BICC1: variants seen among roughly 807,000 people sequenced by gnomAD.
BICC1 encodes BicC family RNA binding protein 1, also known as protein bicaudal C homolog 1.
A neutral mutation model predicts 111.0 loss-of-function variants in BICC1; 43 were observed. That is an observed-to-expected ratio of 0.39 (90% CI 0.30 to 0.50). BICC1 has a LOEUF of 0.50. Among genes scored for constraint, BICC1 ranks in the 20% least tolerant of loss-of-function variants. The pLI is 0.88. For missense variants in BICC1, 1,091 were observed against 1,203.2 expected (o/e 0.91, Z 1.38); for synonymous variants, 467 against 434.4 (o/e 1.07, Z -0.93).
intron 2 of BICC1, among the ~76,000 whole-genome samples, chr10:58,673,228 C>G (rs1217776917): frequency 6.6e-6 from 1 of 152,116 alleles, no homozygotes; most frequent in African/African-American, 2.4e-5. Flanking sequence ...TTTAAAATTA[C>G]TTTTGCAGAA....
At chr10:58,769,376 A>ATGTGTGTGTGTGTG (rs71006205) in intron 3 of BICC1, among the ~76,000 whole-genome samples, 15 of 73,350 alleles carry the variant, frequency 2.0e-4, no homozygotes, top group African/African-American at 5.9e-4. Flanking sequence ...TTTATAATGT[A>ATGTGTGTGTGTGTG]TGTGTGTGTG....
At chr10:58,696,940 C>T (rs1357288970) in intron 2 of BICC1, among the ~76,000 whole-genome samples, 5 of 152,210 alleles carry the variant, frequency 3.3e-5, no homozygotes, top group Non-Finnish European at 7.4e-5. Flanking sequence ...CCTGCTGAGA[C>T]GACATCATTT....
At chr10:58,660,062 C>A (rs533886280) in intron 2 of BICC1, among the ~76,000 whole-genome samples, 1 of 152,274 alleles carries the variant, frequency 6.6e-6, no homozygotes, top group South Asian at 2.1e-4. Flanking sequence ...TACCCCTTCT[C>A]CTAGCAAGAA....
At chr10:58,758,925 A>G (rs1842223081) in intron 3 of BICC1, among the ~76,000 whole-genome samples, 1 of 140,196 alleles carries the variant, frequency 7.1e-6, no homozygotes, top group African/African-American at 2.6e-5. Context: ...ATCTTTGATC[A>G]TTAAAATATT....
intron 1 of BICC1, among the ~76,000 whole-genome samples, chr10:58,561,666 T>C (rs1843608232): frequency 6.6e-6 from 1 of 152,070 alleles, no homozygotes; most frequent in Admixed American, 6.5e-5. Flanking sequence ...TTGGTGGTTT[T>C]CTGTAGTGAT....
At chr10:58,816,295 T>C (rs921275521) in intron 18 of BICC1, among the ~76,000 whole-genome samples, 1 of 152,048 alleles carries the variant, frequency 6.6e-6, no homozygotes, top group African/African-American at 2.4e-5. Context: ...CCTCAAACTG[T>C]TTTTATGACT....
intron 2 of BICC1, among the ~76,000 whole-genome samples, chr10:58,666,356 T>C (rs899723092): frequency 5.9e-5 from 9 of 152,096 alleles, no homozygotes; most frequent in African/African-American, 2.2e-4. Context: ...CTAAGTTAGG[T>C]TTTCAATTTT....
intron 10 of BICC1, among the ~76,000 whole-genome samples, chr10:58,796,988 C>T (rs912899747): frequency 6.6e-6 from 1 of 152,112 alleles, no homozygotes; most frequent in African/African-American, 2.4e-5. Context: ...TTAGGCCTGC[C>T]TTGCCTAGAT....
intron 1 of BICC1, among the ~76,000 whole-genome samples, chr10:58,531,033 C>G (rs1842669453): frequency 6.6e-6 from 1 of 151,828 alleles, no homozygotes; most frequent in South Asian, 2.1e-4. Context: ...GAGTCGGCCC[C>G]TTCCCCAAGC....
At chr10:58,812,402 G>A (rs1843936979) in intron 17 of BICC1, among the ~76,000 whole-genome samples, 1 of 152,036 alleles carries the variant, frequency 6.6e-6, no homozygotes, top group Non-Finnish European at 1.5e-5. Flanking sequence ...AGCACACTGA[G>A]TTTAAGATGC....
At chr10:58,634,152 T>C (rs1414536780) in intron 2 of BICC1, among the ~76,000 whole-genome samples, 5 of 151,954 alleles carry the variant, frequency 3.3e-5, no homozygotes, top group Non-Finnish European at 7.4e-5. Flanking sequence ...CCACCACGAC[T>C]GGCTAATTTT....
At chr10:58,820,548 C>A in intron 20 of BICC1, 80 bp downstream of exon 20, 2 of 1,015,130 alleles carry the variant, frequency 2.0e-6, no homozygotes, top group Non-Finnish European at 3.0e-6. Flanking sequence ...TGTTTCTACC[C>A]ATTAACTGCT....
Position 58,800,960 on chromosome 10 carries a change from G to A in BICC1, c.1929G>A (p.Leu643=). ...SPSHSGNAGD[L]KQMMCPSKVS... ...CCCATTCTGGGAATGCTGGTGACTTGAAACAGATGATGTGTCCCTCCAAGG... is the reference window on the plus strand; with the variant it reads ...CCCATTCTGGGAATGCTGGTGACTTAAAACAGATGATGTGTCCCTCCAAGG... The change falls in exon 14 of 21, where the codon TTG becomes TTA. Residue 643 remains leucine, a synonymous_variant. Transcript: ENST00000373886. 1 of 1,611,538 alleles carries A rather than the reference G, an allele frequency of 6.2e-7. No homozygotes were observed. Among genetic ancestry groups the A allele is most frequent in the Middle Eastern group, 1.7e-4 (1 of 6,054 alleles).
At chr10:58,580,224 A>G (rs1002263889) in intron 1 of BICC1, among the ~76,000 whole-genome samples, 2 of 152,024 alleles carry the variant, frequency 1.3e-5, no homozygotes, top group African/African-American at 4.8e-5. Flanking sequence ...GGGTTTCACC[A>G]TGTTGGCTAG....
chr10:58,578,655 T>C (rs894940279), intron 1 of BICC1, among the ~76,000 whole-genome samples: 1 of 152,202 alleles, frequency 6.6e-6, no homozygotes, highest in Non-Finnish European at 1.5e-5. Flanking sequence ...CCCAAATGTA[T>C]GGTAAATTGA....
chr10:58,669,163 T>C (rs1433475606), intron 2 of BICC1, among the ~76,000 whole-genome samples: 1 of 148,484 alleles, frequency 6.7e-6, no homozygotes. Context: ...ATGACAGTTC[T>C]TTTTTTTTTA....
intron 1 of BICC1, among the ~76,000 whole-genome samples, chr10:58,526,642 T>C (rs1206906376): frequency 6.6e-6 from 1 of 152,154 alleles, no homozygotes; most frequent in Non-Finnish European, 1.5e-5. Context: ...AGTGTTCTCA[T>C]TGTTCAATTC....
chr10:58,626,975 G>A (rs748369928), intron 2 of BICC1, among the ~76,000 whole-genome samples: 124 of 152,154 alleles, frequency 8.1e-4, no homozygotes, highest in Non-Finnish European at 1.5e-3. Flanking sequence ...GATGGTGCAT[G>A]CCTATAATCC....
chr10:58,797,029 G>A (rs2132850614), intron 10 of BICC1, among the ~76,000 whole-genome samples: 1 of 152,244 alleles, frequency 6.6e-6, no homozygotes, highest in East Asian at 1.9e-4. Flanking sequence ...GGCCAGACCT[G>A]TATTTCTGTC....
Sources: allele counts gnomAD v4.1 joint callset (sites outside exome capture counted in the v4.1 genomes callset), GRCh38; gene constraint gnomAD v4.1.1; transcripts MANE v1.5; gene names NCBI Gene and HGNC (gene_info 2026-07-23, HGNC 2026-07-21).